TOP1: variants seen among roughly 807,000 people sequenced by gnomAD.
TOP1 encodes DNA topoisomerase I, also known as DNA topoisomerase 1.
Under a neutral mutation model 111.1 loss-of-function variants are expected in TOP1, and 10 were observed. That is an observed-to-expected ratio of 0.09 (90% CI 0.06 to 0.15). The LOEUF (loss-of-function observed/expected upper bound fraction) is 0.15, where lower values mean the gene tolerates loss of function less well. TOP1 is among the 10% of genes least tolerant of loss of function. The pLI is 1.00. For synonymous variants in TOP1, 271 were observed against 302.9 expected (o/e 0.89, Z 1.10); for missense variants, 474 against 926.7 (o/e 0.51, Z 6.34).
Position 41,032,166 on chromosome 20 carries a change from CTGTACA to C in TOP1, c.58+2712_58+2717del, listed in dbSNP as rs1397056009. Reference sequence around the variant, plus strand: ...GGGCCTAACCCATCTTACAGATTAACTGTACAAGTTCATATATTAAAATCAAACGTC... The same window carrying C: ...GGGCCTAACCCATCTTACAGATTAACAGTTCATATATTAAAATCAAACGTC... On this transcript the variant is annotated intron_variant, in intron 2 of 20. Coordinates refer to ENST00000361337, the MANE Select transcript of TOP1 (RefSeq NM_003286.4). The surrounding 1 kb of genome is among the most constrained non-coding windows in gnomAD (Gnocchi z 4.3). 6.6e-6 allele frequency among the ~76,000 whole-genome samples: 1 copy of C among 152,188 alleles called. No homozygotes were observed. The highest frequency in any genetic ancestry group is 2.4e-5 in the African/African-American group (1 of 41,456).
At position 41,077,584 on chromosome 20, in the gene TOP1, T is replaced by C; in HGVS notation, c.282T>C (p.Val94=). The C allele has an allele frequency of 1.2e-6, 2 of 1,614,082 alleles. No homozygotes were observed. Among genetic ancestry groups the C allele is most frequent in the Non-Finnish European group, 1.7e-6 (2 of 1,179,900 alleles). ...GTTACTGTTGTTTTACTTTTCAGGT[T>C]CGAGCCTCTGGGGATGCAAAAATAA... The part of the protein sequence containing the change: ...RDKEKRKEEK[V]RASGDAKIKK... The change falls in exon 5 of 21, where the codon GTT becomes GTC. Residue 94 remains valine (V), a splice_region_variant and synonymous_variant. Coordinates refer to ENST00000361337, the MANE Select transcript of TOP1 (RefSeq NM_003286.4).
chr20:41,099,259 T>G (rs1280587943), intron 11 of TOP1, among the ~76,000 whole-genome samples: 2 of 152,254 alleles, frequency 1.3e-5, no homozygotes, highest in African/African-American at 4.8e-5. Flanking sequence ...GTGTCTCAGG[T>G]AAATCTTATC....
At position 41,029,324 on chromosome 20, in the gene TOP1, C is replaced by T. The variant is rs1267989848; in HGVS notation, c.34-107C>T. 6.6e-6 allele frequency: 7 copies of T among 1,067,330 alleles called. No individual in the cohort carries two copies. In the African/African-American group the frequency reaches 6.6e-5, roughly 10 times the overall value. The allele number at this position is 1,067,330 out of a possible 1,614,324, so 66.1% of individuals were successfully genotyped here. On this transcript the variant is annotated intron_variant, in intron 1 of 20. Coordinates refer to ENST00000361337, the MANE Select transcript of TOP1 (RefSeq NM_003286.4). The surrounding 1 kb of genome is among the most constrained non-coding windows in gnomAD (Gnocchi z 6.1). ...GCCCTCTGTGGCCACCCCCGGGTCC[C>T]CGTCCTCCCCGGGGGCGCAGGGTGA...
intron 2 of TOP1, among the ~76,000 whole-genome samples, chr20:41,044,447 A>G (rs1402172035): frequency 2.0e-5 from 3 of 152,170 alleles, no homozygotes; most frequent in Non-Finnish European, 4.4e-5. Flanking sequence ...TAATTGCTCT[A>G]TCTCAGTTTT....
At position 41,121,852 on chromosome 20, in the gene TOP1, G is replaced by A; in HGVS notation, c.2045+62G>A. 6.4e-7 allele frequency: 1 copy of A among 1,563,562 alleles called. No individual in the cohort carries two copies. The highest frequency in any genetic ancestry group is 1.4e-5 in the African/African-American group (1 of 73,204). ...AGAAAAGTGTGCAGCATCTGTCAGGGCCCCTGGGGCCCTGGCTTTTCGATG... is the reference window on the plus strand; with the variant it reads ...AGAAAAGTGTGCAGCATCTGTCAGGACCCCTGGGGCCCTGGCTTTTCGATG... On this transcript the variant is annotated intron_variant, in intron 19 of 20. Coordinates refer to ENST00000361337, the MANE Select transcript of TOP1 (RefSeq NM_003286.4). This position sits in a 1 kb window ranked among gnomAD's most constrained non-coding sequence, Gnocchi z 4.2.
Position 41,123,239 on chromosome 20 carries a change from C to A in TOP1, c.2240C>A (p.Thr747Asn). ...GVPIEKIYNKTQREKFAWAID... is the reference protein window; with the variant it reads ...GVPIEKIYNKNQREKFAWAID... Reference sequence around the variant, plus strand: ...CCAATTGAGAAGATTTACAACAAAACCCAGCGGGAGAAGTTTGCCTGGGCC... The same window carrying A: ...CCAATTGAGAAGATTTACAACAAAAACCAGCGGGAGAAGTTTGCCTGGGCC... The change falls in exon 21 of 21, where the codon ACC becomes AAC. Residue 747 changes from threonine to asparagine, a missense_variant. Physicochemically the swap from Thr to Asn is moderately conservative, Grantham distance 65. Around this residue, in one of 14 missense-constraint regions of TOP1, gnomAD observed 26 missense variants for 81.8 expected, o/e 0.32. Transcript: ENST00000361337. The surrounding 1 kb of genome is among the most constrained non-coding windows in gnomAD (Gnocchi z 5.8). 6.2e-7 allele frequency: 1 copy of A among 1,614,082 alleles called. No individual in the cohort carries two copies. The highest frequency in any genetic ancestry group is 8.5e-7 in the Non-Finnish European group (1 of 1,179,982).
rs1054905524 is a variant in TOP1, at chr20:41,058,656, A to G, written c.59-2738A>G. On this transcript the variant is annotated intron_variant, in intron 2 of 20. Transcript: ENST00000361337. The surrounding 1 kb of genome is among the most constrained non-coding windows in gnomAD (Gnocchi z 4.2). ...AGTTGCCCCCTCACAATTCCACTTC[A>G]TCTTGTTTGTTAGGAGTGAGTCACA... 6.6e-6 allele frequency among the ~76,000 whole-genome samples: 1 copy of G among 152,086 alleles called. No individual in the cohort carries two copies. The highest frequency in any genetic ancestry group is 1.5e-5 in the Non-Finnish European group (1 of 68,008).
At chr20:41,039,371 G>A (rs753431145) in intron 2 of TOP1, among the ~76,000 whole-genome samples, 6 of 152,150 alleles carry the variant, frequency 3.9e-5, no homozygotes, top group East Asian at 1.9e-4. Flanking sequence ...AGAGAGTGAC[G>A]TCTCCATTTA....
chr20:41,050,989 A>G (rs2033398631), intron 2 of TOP1, among the ~76,000 whole-genome samples: 1 of 152,194 alleles, frequency 6.6e-6, no homozygotes, highest in Non-Finnish European at 1.5e-5. Flanking sequence ...CCAGTACAAG[A>G]GTTTTAATAA....
rs75709949 is a variant in TOP1, at chr20:41,034,942, C to T, written c.58+5487C>T. ...TTTCTGTTTGTTGCCCGGGCTGGAGCGCAGTAGTGTGATTGCAGCTCACTG... is the reference window on the plus strand; with the variant it reads ...TTTCTGTTTGTTGCCCGGGCTGGAGTGCAGTAGTGTGATTGCAGCTCACTG... On this transcript the variant is annotated intron_variant, in intron 2 of 20. Coordinates refer to ENST00000361337, the MANE Select transcript of TOP1 (RefSeq NM_003286.4). This position sits in a 1 kb window ranked among gnomAD's most constrained non-coding sequence, Gnocchi z 4.0. Among the ~76,000 whole-genome samples the T allele has an allele frequency of 0.03, 4,581 of 152,096 alleles. 106 individuals carry two copies. Among genetic ancestry groups the T allele is most frequent in the Non-Finnish European group, 0.038 (2,596 of 67,990 alleles).
rs2033131980 is a variant in TOP1, at chr20:41,032,428, A to G, written c.58+2973A>G. On this transcript the variant is annotated intron_variant, in intron 2 of 20. Coordinates refer to ENST00000361337, the MANE Select transcript of TOP1 (RefSeq NM_003286.4). The surrounding 1 kb of genome is among the most constrained non-coding windows in gnomAD (Gnocchi z 4.3). Reference sequence around the variant, plus strand: ...CTAAGTCTAAGTGAAAAGACTTCCTAAGTATTGGTAGAACTAACTGTAGTG... The same window carrying G: ...CTAAGTCTAAGTGAAAAGACTTCCTGAGTATTGGTAGAACTAACTGTAGTG... Among the ~76,000 whole-genome samples, 1 of 152,340 alleles carries G rather than the reference A, an allele frequency of 6.6e-6. No individual in the cohort carries two copies. The highest frequency in any genetic ancestry group is 3.4e-3 in the Middle Eastern group (1 of 294).
Position 41,061,266 on chromosome 20 carries a change from G to T in TOP1, c.59-128G>T. On this transcript the variant is annotated intron_variant, in intron 2 of 20. Coordinates refer to ENST00000361337, the MANE Select transcript of TOP1 (RefSeq NM_003286.4). This position sits in a 1 kb window ranked among gnomAD's most constrained non-coding sequence, Gnocchi z 4.6. ...CTTTGTGAAAGCTTTTTTTTTCAGT[G>T]GCATGTGCTATTATGCCTACCATGC... is the stretch of plus-strand genomic sequence containing the variant. 1 of 757,740 alleles carries T rather than the reference G, an allele frequency of 1.3e-6. No individual in the cohort carries two copies. The highest frequency in any genetic ancestry group is 1.7e-5 in the African/African-American group (1 of 57,276). 46.9% of individuals were successfully genotyped at this position (757,740 alleles called of 1,614,324 possible). A position where few individuals can be genotyped will look rare whatever the true frequency, so the allele number is the denominator to read the frequency against.
Position 41,029,164 on chromosome 20 carries a change from C to A in TOP1, c.33+64C>A. ...CCTGGCCGTCCCGCGACCCCCGGCGCAGGCCCCGACCCCAGCCCCGGCCCG... is the reference window on the plus strand; with the variant it reads ...CCTGGCCGTCCCGCGACCCCCGGCGAAGGCCCCGACCCCAGCCCCGGCCCG... On this transcript the variant is annotated intron_variant, in intron 1 of 20. Transcript: ENST00000361337. This position sits in a 1 kb window ranked among gnomAD's most constrained non-coding sequence, Gnocchi z 6.1. 2.3e-6 allele frequency: 3 copies of A among 1,284,202 alleles called. No individual in the cohort carries two copies. The highest frequency in any genetic ancestry group is 3.1e-6 in the Non-Finnish European group (3 of 976,872). The allele number at this position is 1,284,202 out of a possible 1,614,324, so 79.6% of individuals were successfully genotyped here.
chr20:41,087,094 C>T (rs1428342740), intron 8 of TOP1, among the ~76,000 whole-genome samples: 1 of 152,194 alleles, frequency 6.6e-6, no homozygotes, highest in South Asian at 2.1e-4. Context: ...TTTCTTCCCT[C>T]GTAAGTCCGC....
At position 41,124,106 on chromosome 20, in the gene TOP1, G is replaced by A. The variant is rs1161965847; in HGVS notation, c.*809G>A. 13 of 232,934 alleles carry A rather than the reference G, an allele frequency of 5.6e-5. No homozygotes were observed. In the East Asian group the frequency reaches 6.1e-4, roughly 11 times the overall value. 14.4% of individuals were successfully genotyped at this position (232,934 alleles called of 1,614,324 possible). ...CCATCATCCTTTGTTCTGAGCATTC[G>A]CTGTACCCTTTAAGATATCCATCTT... On this transcript the variant is annotated 3_prime_UTR_variant, in exon 21 of 21. Transcript: ENST00000361337. This position sits in a 1 kb window ranked among gnomAD's most constrained non-coding sequence, Gnocchi z 5.4.
intron 14 of TOP1, among the ~76,000 whole-genome samples, chr20:41,113,156 T>A (rs899078609): frequency 4.6e-5 from 7 of 152,242 alleles, no homozygotes. Flanking sequence ...TTATAACTTA[T>A]AAAATTGTTT....
intron 8 of TOP1, among the ~76,000 whole-genome samples, chr20:41,087,269 A>C (rs2033860723): frequency 6.6e-6 from 1 of 152,246 alleles, no homozygotes; most frequent in Non-Finnish European, 1.5e-5. Context: ...GCTTGGGTTC[A>C]TACATGAAAT....
chr20:41,050,649 A>ATT (rs771579996), intron 2 of TOP1, among the ~76,000 whole-genome samples: 96 of 152,240 alleles, frequency 6.3e-4, no homozygotes, highest in Non-Finnish European at 1.3e-3. Flanking sequence ...CCTCTCCCCT[A>ATT]ACAGTTGGGG....
Position 41,039,435 on chromosome 20 carries a change from G to A in TOP1, c.58+9980G>A, listed in dbSNP as rs554582290. On this transcript the variant is annotated intron_variant, in intron 2 of 20. Coordinates refer to ENST00000361337, the MANE Select transcript of TOP1 (RefSeq NM_003286.4). ...AAGAAATTGGAGACCTAGGACCTTG[G>A]ATTTCCAAAGATTTCCAAACTCTTA... 2.2e-3 allele frequency among the ~76,000 whole-genome samples: 328 copies of A among 152,132 alleles called. 1 individual carries two copies. Among genetic ancestry groups the A allele is most frequent in the African/African-American group, 6.5e-3 (269 of 41,494 alleles).
Sources: allele counts gnomAD v4.1 joint callset (sites outside exome capture counted in the v4.1 genomes callset), GRCh38; gene constraint gnomAD v4.1.1; regional missense constraint gnomAD v4.1.1; non-coding constraint Gnocchi (gnomAD v3.1); transcripts MANE v1.5; gene names NCBI Gene and HGNC (gene_info 2026-07-23, HGNC 2026-07-21).